Variants in OR13C4 observed in about 807,000 individuals in gnomAD.
The protein encoded by OR13C4 is olfactory receptor 13C4.
For synonymous variants in OR13C4, 138 were observed against 140.8 expected, an observed-to-expected ratio of 0.98 and a Z score of 0.14; for missense variants, 383 against 381.7, an observed-to-expected ratio of 1.00 and a Z score of -0.03.
rs1363963785 is a variant in OR13C4, at chr9:104,527,167, G to C, written c.43C>G (p.Leu15Val). The C allele has an allele frequency of 5.6e-6, 9 of 1,610,870 alleles. No individual in the cohort carries two copies. Among genetic ancestry groups the C allele is most frequent in the Non-Finnish European group, 6.8e-6 (8 of 1,179,276 alleles). ...NQTFVREFIL[L>V]GLSGYPKLEI... ...AGTTTGGGGTAACCAGAGAGTCCCAGAAGAATGAATTCTCTCACAAATGTC... is the reference window on the plus strand; with the variant it reads ...AGTTTGGGGTAACCAGAGAGTCCCACAAGAATGAATTCTCTCACAAATGTC... Residue 15 changes from leucine (L) to valine (V), a missense_variant, in exon 1 of 1, where the codon CTG becomes GTG. By Grantham distance (32) the Leu-to-Val change is conservative. Transcript: ENST00000277216.
rs757065585 is a variant in OR13C4, at chr9:104,526,748, G to T, written c.462C>A (p.Ile154=). 2.5e-6 allele frequency: 4 copies of T among 1,613,932 alleles called. No individual in the cohort carries two copies. The highest frequency in any genetic ancestry group is 3.4e-6 in the Non-Finnish European group (4 of 1,179,938). Residue 154 remains isoleucine, a synonymous_variant, in exon 1 of 1, where the codon ATC becomes ATA. Coordinates refer to ENST00000277216, the MANE Select transcript of OR13C4 (RefSeq NM_001001919.1). ...LTSVSWLSGG[I]NSTVQTSLAM... Reference sequence around the variant, plus strand: ...CAAGTGATGTTTGCACAGTTGAATTGATTCCACCAGAAAGCCATGATACAG... The same window carrying T: ...CAAGTGATGTTTGCACAGTTGAATTTATTCCACCAGAAAGCCATGATACAG...
In OR13C4 at chr9:104,526,431, G is replaced by T. The variant is rs1231005102; in HGVS notation, c.779C>A (p.Ala260Glu). Reference sequence around the variant, plus strand: ...AAGGAGGTCCTGGGACTTAGGTTTTGCATACATAAAGAAGATGGTACCATA... The same window carrying T: ...AAGGAGGTCCTGGGACTTAGGTTTTTCATACATAAAGAAGATGGTACCATA... The part of the protein sequence containing the change: ...IFYGTIFFMY[A>E]KPKSQDLLGK... Residue 260 changes from alanine (A) to glutamate (E), a missense_variant, in exon 1 of 1, where the codon GCA becomes GAA. Physicochemically the swap from Ala to Glu is moderately radical, Grantham distance 107. Transcript: ENST00000277216. The T allele has an allele frequency of 1.2e-6, 2 of 1,613,996 alleles. No homozygotes were observed. The highest frequency in any genetic ancestry group is 2.7e-5 in the African/African-American group (2 of 74,904).
In OR13C4 at chr9:104,526,706, G is replaced by C; in HGVS notation, c.504C>G (p.Phe168Leu). 1 of 1,613,926 alleles carries C rather than the reference G, an allele frequency of 6.2e-7. No individual in the cohort carries two copies. Among genetic ancestry groups the C allele is most frequent in the East Asian group, 2.2e-5 (1 of 44,872 alleles). ...VQTSLAMRWPFCGNNIINHFL... is the reference protein window; with the variant it reads ...VQTSLAMRWPLCGNNIINHFL... ...AATGATTAATAATATTGTTCCCACA[G>C]AAAGGCCATCGCATGGCAAGTGATG... Residue 168 changes from phenylalanine to leucine, a missense_variant, in exon 1 of 1, where the codon TTC becomes TTG. By Grantham distance (22) the Phe-to-Leu change is conservative. Transcript: ENST00000277216.
chr9:104,526,739 A>G lies in OR13C4; in HGVS notation c.471T>C (p.Thr157=), dbSNP rs1249897844. The G allele has an allele frequency of 6.2e-7, 1 of 1,613,934 alleles. No individual in the cohort carries two copies. Among genetic ancestry groups the G allele is most frequent in the Non-Finnish European group, 8.5e-7 (1 of 1,179,900 alleles). ...VSWLSGGINS[T]VQTSLAMRWP... ...ATCGCATGGCAAGTGATGTTTGCAC[A>G]GTTGAATTGATTCCACCAGAAAGCC... The change falls in exon 1 of 1, where the codon ACT becomes ACC. Residue 157 remains threonine (T), a synonymous_variant. Coordinates refer to ENST00000277216, the MANE Select transcript of OR13C4 (RefSeq NM_001001919.1).
In OR13C4 at chr9:104,526,293, G is replaced by T; in HGVS notation, c.917C>A (p.Ala306Asp). 1 of 1,603,632 alleles carries T rather than the reference G, an allele frequency of 6.2e-7. No individual in the cohort carries two copies. ...YSLRNKDVKA[A>D]IKYLLSRKAI... is the part of the protein sequence containing the mutation. ...TTTCCTGCTCAGCAAATATTTTATA[G>T]CAGCTTTTACATCTTTATTTCTCAA... Residue 306 changes from alanine to aspartate, a missense_variant, in exon 1 of 1, where the codon GCT becomes GAT. Transcript: ENST00000277216.
rs752116520 is a variant in OR13C4 at position 104,526,562 on chromosome 9, G to GA, written c.647dup (p.Ser217LeufsTer47). ...TGGTGTAGAGGATGAACATATAGGA[G>GA]AAAAAAATCACGAGCAGAGGAAGAA... On this transcript the variant is annotated frameshift_variant, in exon 1 of 1. Coordinates refer to ENST00000277216, the MANE Select transcript of OR13C4 (RefSeq NM_001001919.1). LOFTEE classifies it low-confidence loss of function (END_TRUNC). The GA allele has an allele frequency of 5.0e-6, 8 of 1,613,934 alleles. No individual in the cohort carries two copies. The African/African-American group carries it at 6.7e-5, about 13-fold the overall frequency.
In OR13C4 at chr9:104,526,644, C is replaced by A; in HGVS notation, c.566G>T (p.Cys189Phe). The A allele has an allele frequency of 6.2e-7, 1 of 1,613,782 alleles. No homozygotes were observed. The highest frequency in any genetic ancestry group is 8.5e-7 in the Non-Finnish European group (1 of 1,179,676). Residue 189 changes from cysteine to phenylalanine, a missense_variant, in exon 1 of 1, where the codon TGT (cysteine) becomes TTT (phenylalanine). Coordinates refer to ENST00000277216, the MANE Select transcript of OR13C4 (RefSeq NM_001001919.1). ...AACAATATTGACAGATATATCAGAA[C>A]AAGCTAATTTTAGGACAGCTAAGAT... ...CEILAVLKLA[C>F]SDISVNIVTL... is the part of the protein sequence containing the mutation.
In OR13C4 at chr9:104,526,913, C is replaced by T; in HGVS notation, c.297G>A (p.Val99=). 2.5e-6 allele frequency: 4 copies of T among 1,614,172 alleles called. No individual in the cohort carries two copies. The highest frequency in any genetic ancestry group is 3.4e-6 in the Non-Finnish European group (4 of 1,180,030). ...KRNISFSGCA[V]QMFFGFAMGS... is the part of the protein sequence containing the mutation. ...CCATTGCAAACCCAAAGAACATCTGCACTGCACATCCAGAGAAGGAAATGT... is the reference window on the plus strand; with the variant it reads ...CCATTGCAAACCCAAAGAACATCTGTACTGCACATCCAGAGAAGGAAATGT... The change falls in exon 1 of 1, where the codon GTG becomes GTA. Residue 99 remains valine, a synonymous_variant. Coordinates refer to ENST00000277216, the MANE Select transcript of OR13C4 (RefSeq NM_001001919.1).
At position 104,526,490 on chromosome 9, in the gene OR13C4, T is replaced by C. The variant is rs769526265; in HGVS notation, c.720A>G (p.Thr240=). Residue 240 remains threonine (T), a synonymous_variant, in exon 1 of 1, where the codon ACA becomes ACG. Coordinates refer to ENST00000277216, the MANE Select transcript of OR13C4 (RefSeq NM_001001919.1). The part of the protein sequence containing the change: ...SATGRHKAFS[T]CSAHLTVVII... The stretch of plus-strand genomic sequence containing the variant: ...TCACCACAGTCAGGTGAGCTGAGCA[T>C]GTAGAAAATGCCTTGTGTCTTCCTG... 4 of 1,613,886 alleles carry C rather than the reference T, an allele frequency of 2.5e-6. No individual in the cohort carries two copies. Among genetic ancestry groups the C allele is most frequent in the East Asian group, 4.5e-5 (2 of 44,876 alleles).
In OR13C4 at chr9:104,526,671, T is replaced by G. The variant is rs1434507076; in HGVS notation, c.539A>C (p.Glu180Ala). The G allele has an allele frequency of 6.2e-7, 1 of 1,613,994 alleles. No individual in the cohort carries two copies. The highest frequency in any genetic ancestry group is 1.3e-5 in the African/African-American group (1 of 75,042). Residue 180 changes from glutamate (E) to alanine (A), a missense_variant, in exon 1 of 1, where the codon GAG becomes GCG. By Grantham distance (107) the Glu-to-Ala change is moderately radical. Coordinates refer to ENST00000277216, the MANE Select transcript of OR13C4 (RefSeq NM_001001919.1). ...GNNIINHFLC[E>A]ILAVLKLACS... ...AGCTAATTTTAGGACAGCTAAGATC[T>G]CGCATAAGAAATGATTAATAATATT...
At position 104,526,975 on chromosome 9, in the gene OR13C4, G is replaced by T. The variant is rs758081651; in HGVS notation, c.235C>A (p.Pro79Thr). 20 of 1,614,026 alleles carry T rather than the reference G, an allele frequency of 1.2e-5. No individual in the cohort carries two copies. The Admixed American group carries it at 3.3e-4, about 27-fold the overall frequency. The part of the protein sequence containing the change: ...LDICYTTSSI[P>T]STLVSLISKK... ...GAGATTAAGCTCACCAGTGTTGAGG[G>T]AATGGAGGAGGTTGTATAGCAGATA... is the stretch of plus-strand genomic sequence containing the variant. The change falls in exon 1 of 1, where the codon CCC becomes ACC. Residue 79 changes from proline (P) to threonine (T), a missense_variant. Coordinates refer to ENST00000277216, the MANE Select transcript of OR13C4 (RefSeq NM_001001919.1).
chr9:104,526,902 A>T lies in OR13C4; in HGVS notation c.308T>A (p.Phe103Tyr). Reference protein sequence around the residue: ...SFSGCAVQMFFGFAMGSTECF... With the variant: ...SFSGCAVQMFYGFAMGSTECF... ...TTCTGTTGACCCCATTGCAAACCCA[A>T]AGAACATCTGCACTGCACATCCAGA... The change falls in exon 1 of 1, where the codon TTT (phenylalanine) becomes TAT (tyrosine). Residue 103 changes from phenylalanine to tyrosine, a missense_variant. Transcript: ENST00000277216. 1 of 1,614,198 alleles carries T rather than the reference A, an allele frequency of 6.2e-7. No homozygotes were observed. The highest frequency in any genetic ancestry group is 8.5e-7 in the Non-Finnish European group (1 of 1,180,028).
At position 104,526,990 on chromosome 9, in the gene OR13C4, T is replaced by A; in HGVS notation, c.220A>T (p.Thr74Ser). 1 of 1,614,170 alleles carries A rather than the reference T, an allele frequency of 6.2e-7. No homozygotes were observed. Among genetic ancestry groups the A allele is most frequent in the African/African-American group, 1.3e-5 (1 of 75,058 alleles). ...GNLSFLDICY[T>S]TSSIPSTLVS... The stretch of plus-strand genomic sequence containing the variant: ...AGTGTTGAGGGAATGGAGGAGGTTG[T>A]ATAGCAGATATCCAGGAAAGAGAGG... Residue 74 changes from threonine (T) to serine (S), a missense_variant, in exon 1 of 1, where the codon ACA becomes TCA. Coordinates refer to ENST00000277216, the MANE Select transcript of OR13C4 (RefSeq NM_001001919.1).
rs750825889 is a variant in OR13C4, at chr9:104,527,077, G to T, written c.133C>A (p.Leu45Met). 1.2e-6 allele frequency: 2 copies of T among 1,613,886 alleles called. No homozygotes were observed. Among genetic ancestry groups the T allele is most frequent in the Non-Finnish European group, 1.7e-6 (2 of 1,179,812 alleles). The stretch of plus-strand genomic sequence containing the variant: ...GAATCCAAGATGCTTGCTATGATCA[G>T]AACACCATTGCCAATTAGAATCACT... ...YVVILIGNGV[L>M]IIASILDSRL... The change falls in exon 1 of 1, where the codon CTG becomes ATG. Residue 45 changes from leucine (L) to methionine (M), a missense_variant. Transcript: ENST00000277216.
In OR13C4 at chr9:104,526,899, C is replaced by A; in HGVS notation, c.311G>T (p.Gly104Val). Residue 104 changes from glycine to valine, a missense_variant, in exon 1 of 1, where the codon GGG (glycine) becomes GTG (valine). Coordinates refer to ENST00000277216, the MANE Select transcript of OR13C4 (RefSeq NM_001001919.1). Reference sequence around the variant, plus strand: ...ACATTCTGTTGACCCCATTGCAAACCCAAAGAACATCTGCACTGCACATCC... The same window carrying A: ...ACATTCTGTTGACCCCATTGCAAACACAAAGAACATCTGCACTGCACATCC... ...FSGCAVQMFFGFAMGSTECFL... is the reference protein window; with the variant it reads ...FSGCAVQMFFVFAMGSTECFL... 2 of 1,614,064 alleles carry A rather than the reference C, an allele frequency of 1.2e-6. No individual in the cohort carries two copies. Among genetic ancestry groups the A allele is most frequent in the South Asian group, 1.1e-5 (1 of 91,070 alleles).
Position 104,526,626 on chromosome 9 carries a change from T to G in OR13C4, c.584A>C (p.Asn195Thr), listed in dbSNP as rs1457827600. 3.2e-5 allele frequency: 52 copies of G among 1,613,402 alleles called. No individual in the cohort carries two copies. Among genetic ancestry groups the G allele is most frequent in the Non-Finnish European group, 4.4e-5 (52 of 1,179,474 alleles). ...LKLACSDISV[N>T]IVTLAVSNIA... ...ATTTGACACTGCTAGGGTAACAATA[T>G]TGACAGATATATCAGAACAAGCTAA... is the stretch of plus-strand genomic sequence containing the variant. Residue 195 changes from asparagine to threonine, a missense_variant, in exon 1 of 1, where the codon AAT (asparagine) becomes ACT (threonine). By Grantham distance (65) the Asn-to-Thr change is moderately conservative. Transcript: ENST00000277216.
At position 104,527,012 on chromosome 9, in the gene OR13C4, G is replaced by C. The variant is rs746406154; in HGVS notation, c.198C>G (p.Leu66=). The C allele has an allele frequency of 2.0e-5, 33 of 1,614,150 alleles. No individual in the cohort carries two copies. The highest frequency in any genetic ancestry group is 9.9e-5 in the South Asian group (9 of 91,086). ...HMPMYFFLGN[L]SFLDICYTTS... ...TTGTATAGCAGATATCCAGGAAAGA[G>C]AGGTTGCCCAGGAAGAAGTACATGG... The change falls in exon 1 of 1, where the codon CTC becomes CTG. Residue 66 remains leucine, a synonymous_variant. Coordinates refer to ENST00000277216, the MANE Select transcript of OR13C4 (RefSeq NM_001001919.1).
At position 104,526,588 on chromosome 9, in the gene OR13C4, C is replaced by T; in HGVS notation, c.622G>A (p.Val208Ile). The T allele has an allele frequency of 1.2e-6, 2 of 1,614,070 alleles. No homozygotes were observed. Among genetic ancestry groups the T allele is most frequent in the Non-Finnish European group, 1.7e-6 (2 of 1,179,956 alleles). ...TLAVSNIAFL[V>I]LPLLVIFFSY... ...AAAAAAATCACGAGCAGAGGAAGAACTAGGAAAGCAATATTTGACACTGCT... is the reference window on the plus strand; with the variant it reads ...AAAAAAATCACGAGCAGAGGAAGAATTAGGAAAGCAATATTTGACACTGCT... The change falls in exon 1 of 1, where the codon GTT (valine) becomes ATT (isoleucine). Residue 208 changes from valine (V) to isoleucine (I), a missense_variant. Coordinates refer to ENST00000277216, the MANE Select transcript of OR13C4 (RefSeq NM_001001919.1).
rs374951368 is a variant in OR13C4, at chr9:104,526,814, G to A, written c.396C>T (p.Tyr132=). The part of the protein sequence containing the change: ...RYVAICNPLR[Y]PIIMNKVVYV... The stretch of plus-strand genomic sequence containing the variant: ...ACACCACCTTGTTCATGATGATGGG[G>A]TATCTCAGAGGGTTACAGATGGCCA... The change falls in exon 1 of 1, where the codon TAC becomes TAT. Residue 132 remains tyrosine, a synonymous_variant. Transcript: ENST00000277216. The A allele has an allele frequency of 1.5e-5, 24 of 1,613,990 alleles. No individual in the cohort carries two copies. Among genetic ancestry groups the A allele is most frequent in the Non-Finnish European group, 1.7e-5 (20 of 1,180,000 alleles).
Sources: allele counts gnomAD v4.1 joint callset, GRCh38; gene constraint gnomAD v4.1.1; transcripts MANE v1.5; gene names NCBI Gene and HGNC (gene_info 2026-07-23, HGNC 2026-07-21).